DDAH1: variants seen among roughly 807,000 people sequenced by gnomAD.
The protein encoded by DDAH1 is dimethylarginine dimethylaminohydrolase 1.
In DDAH1, 19 loss-of-function variants were observed where a neutral mutation model predicts 28.8. That is an observed-to-expected ratio of 0.66 (90% CI 0.46 to 0.97). DDAH1 has a LOEUF of 0.97. Ranked by LOEUF, DDAH1 falls within the 50% of genes least tolerant of loss-of-function variation. The pLI is 0.00. For missense variants in DDAH1, 326 were observed against 375.9 expected, an observed-to-expected ratio of 0.87 and a Z score of 1.10; for synonymous variants, 153 against 154.4, an observed-to-expected ratio of 0.99 and a Z score of 0.07.
At chr1:85,506,747 G>A (rs1286103672) in intron 1 of DDAH1, among the ~76,000 whole-genome samples, 3 of 152,176 alleles carry the variant, frequency 2.0e-5, no homozygotes, top group African/African-American at 4.8e-5. Flanking sequence ...TTACCATGTG[G>A]GTGATGAGGA....
intron 2 of DDAH1, among the ~76,000 whole-genome samples, chr1:85,483,107 G>A (rs1002901676): frequency 1.1e-4 from 15 of 140,078 alleles, no homozygotes; most frequent in Middle Eastern, 3.6e-3. Flanking sequence ...CCAGCTACTC[G>A]GAAGGCTTAG....
intron 1 of DDAH1, among the ~76,000 whole-genome samples, chr1:85,386,031 G>C (rs1294830948): frequency 6.6e-6 from 1 of 152,108 alleles, no homozygotes; most frequent in Non-Finnish European, 1.5e-5. Context: ...ATGGCACCAA[G>C]CATGAGGGAT....
At chr1:85,416,635 G>T (rs1214940708) in intron 1 of DDAH1, among the ~76,000 whole-genome samples, 2 of 152,152 alleles carry the variant, frequency 1.3e-5, no homozygotes, top group Non-Finnish European at 2.9e-5. Context: ...GTCAGACCTG[G>T]AGTGGATCAG....
At chr1:85,365,334 G>A (rs898834076) in intron 1 of DDAH1, among the ~76,000 whole-genome samples, 1 of 152,162 alleles carries the variant, frequency 6.6e-6, no homozygotes, top group Non-Finnish European at 1.5e-5. Flanking sequence ...AACAGATTAT[G>A]TTCACTATTA....
chr1:85,350,510 C>T lies in DDAH1; in HGVS notation c.502G>A (p.Val168Met), dbSNP rs770272192. The stretch of plus-strand genomic sequence containing the variant: ...CTCTTCAAATGCAACCCATCTGCCA[C>T]TGGCACTGTGGAGACTGCATAGTCC... ...FKDYAVSTVP[V>M]ADGLHLKSFC... The change falls in exon 4 of 6, where the codon GTG becomes ATG. Residue 168 changes from valine (V) to methionine (M), a missense_variant. By Grantham distance (21) the Val-to-Met change is conservative. Transcript: ENST00000284031. 1 of 1,614,146 alleles carries T rather than the reference C, an allele frequency of 6.2e-7. No homozygotes were observed. The highest frequency in any genetic ancestry group is 1.7e-5 in the Admixed American group (1 of 60,018).
intron 1 of DDAH1, among the ~76,000 whole-genome samples, chr1:85,511,918 G>T (rs146465830): frequency 0.01 from 1,571 of 152,206 alleles, 32 homozygotes; most frequent in African/African-American, 0.036. Flanking sequence ...TCTACCAGAG[G>T]TACAAAGAGG....
rs145320851 is a variant in DDAH1 at position 85,422,127 on chromosome 1, T to C, written c.303+42616A>G. Among the ~76,000 whole-genome samples the C allele has an allele frequency of 4.7e-3, 717 of 152,322 alleles. 2 individuals are homozygous for C. Among genetic ancestry groups the C allele is most frequent in the African/African-American group, 0.017 (688 of 41,578 alleles). ...CCATTTGAATAGGTGGGTAGTGATA[T>C]CTCATTTTAATTTGCAACTCCTTAA... On this transcript the variant is annotated intron_variant, in intron 1 of 5. Transcript: ENST00000284031.
chr1:85,473,650 A>G (rs1655696682), intron 2 of DDAH1, among the ~76,000 whole-genome samples: 1 of 152,152 alleles, frequency 6.6e-6, no homozygotes, highest in Admixed American at 6.5e-5. Context: ...TGGTTTTAAC[A>G]TAGCATTGGT....
At chr1:85,334,940 A>T (rs1175596619) in intron 4 of DDAH1, among the ~76,000 whole-genome samples, 1 of 152,214 alleles carries the variant, frequency 6.6e-6, no homozygotes, top group Admixed American at 6.5e-5. Flanking sequence ...CAGTAAAATT[A>T]TCCTTCATAA....
At chr1:85,447,211 C>A (rs1654476001) in intron 1 of DDAH1, among the ~76,000 whole-genome samples, 2 of 152,198 alleles carry the variant, frequency 1.3e-5, no homozygotes, top group African/African-American at 4.8e-5. Context: ...GAAGCTACAT[C>A]TGGTTGAACC....
intron 1 of DDAH1, among the ~76,000 whole-genome samples, chr1:85,502,253 C>T (rs1656845062): frequency 6.6e-6 from 1 of 152,208 alleles, no homozygotes; most frequent in African/African-American, 2.4e-5. Flanking sequence ...CCTCTATTCA[C>T]CTTTAATTCT....
chr1:85,360,692 T>A (rs1649738217), intron 1 of DDAH1, among the ~76,000 whole-genome samples: 1 of 152,216 alleles, frequency 6.6e-6, no homozygotes, highest in South Asian at 2.1e-4. Flanking sequence ...CTATGCAACA[T>A]TTCAACTCAG....
At chr1:85,443,458 C>T (rs1309703745) in intron 1 of DDAH1, among the ~76,000 whole-genome samples, 1 of 152,122 alleles carries the variant, frequency 6.6e-6, no homozygotes, top group Admixed American at 6.5e-5. Flanking sequence ...AGTCAGGTAG[C>T]ATGATGCCTC....
intron 1 of DDAH1, among the ~76,000 whole-genome samples, chr1:85,565,849 G>A (rs899606061): frequency 6.6e-6 from 1 of 152,294 alleles, no homozygotes. Context: ...GGGAGGCCAA[G>A]GTGGGTGGAT....
intron 1 of DDAH1, among the ~76,000 whole-genome samples, chr1:85,427,964 G>A (rs921835663): frequency 3.9e-5 from 6 of 152,102 alleles, no homozygotes; most frequent in Non-Finnish European, 7.3e-5. Flanking sequence ...TCCAAGATAG[G>A]GAGACCCAAC....
chr1:85,500,415 T>C lies in DDAH1; in HGVS notation c.-122-4134A>G, dbSNP rs143056603. Among the ~76,000 whole-genome samples, 15 of 152,250 alleles carry C rather than the reference T, an allele frequency of 9.9e-5. No individual in the cohort carries two copies. In the East Asian group the frequency reaches 1.2e-3, roughly 12 times the overall value. On this transcript the variant is annotated intron_variant, in intron 1 of 6. Coordinates refer to the DDAH1 transcript ENST00000426972. Reference sequence around the variant, plus strand: ...TGTTATTCAATTCTCTTTTGGCTTATTTGATAAATCAGCATTATTGTTCCC... The same window carrying C: ...TGTTATTCAATTCTCTTTTGGCTTACTTGATAAATCAGCATTATTGTTCCC...
At chr1:85,505,097 TC>T (rs1656967872) in intron 1 of DDAH1, among the ~76,000 whole-genome samples, 2 of 146,150 alleles carry the variant, frequency 1.4e-5, no homozygotes, top group African/African-American at 5.1e-5. Context: ...GCGATTCTCC[TC>T]CCTCAGCCTC....
chr1:85,392,291 A>G (rs1229582205), intron 1 of DDAH1, among the ~76,000 whole-genome samples: 2 of 152,066 alleles, frequency 1.3e-5, no homozygotes, highest in East Asian at 1.9e-4. Flanking sequence ...GCATGTCTAT[A>G]GGTCCAAATT....
intron 2 of DDAH1, chr1:85,495,578 A>C (rs1656558034): frequency 6.6e-6 from 1 of 152,238 alleles, no homozygotes; most frequent in Non-Finnish European, 1.5e-5. Flanking sequence ...AGCCTTTGCC[A>C]TGATCAGCTG....
Sources: gnomAD v4.1 joint callset for allele counts (sites outside exome capture counted in the v4.1 genomes callset) on GRCh38, gnomAD v4.1.1 for gene constraint, MANE v1.5 for transcripts, NCBI Gene and HGNC (gene_info 2026-07-23, HGNC 2026-07-21) for gene names.